Variants in PDE9A observed in about 807,000 individuals in gnomAD.
The protein encoded by PDE9A is high affinity cGMP-specific 3',5'-cyclic phosphodiesterase 9A.
PDE9A carries 60 observed loss-of-function variants against 87.4 expected under a neutral mutation model. The ratio of observed to expected loss-of-function variants is 0.69; its 90% CI spans 0.56 to 0.85. The LOEUF (loss-of-function observed/expected upper bound fraction) is 0.85, where lower values mean the gene tolerates loss of function less well. PDE9A is among the 40% of genes least tolerant of loss of function. PDE9A has a pLI of 0.00. For synonymous variants in PDE9A, 272 were observed against 279.4 expected (o/e 0.97, Z 0.27); for missense variants, 665 against 779.0 (o/e 0.85, Z 1.74).
chr21:42,762,131 C>G lies in PDE9A; in HGVS notation c.1134C>G (p.Ile378Met), dbSNP rs753067250. ...AGCTGGCGGTCCGCTACAATGACAT[C>G]TCACCGCTGGAGAACCACCACTGCG... The part of the protein sequence containing the change: ...RTELAVRYND[I>M]SPLENHHCAV... The change falls in exon 14 of 20, where the codon ATC becomes ATG. Residue 378 changes from isoleucine to methionine, a missense_variant. Ile to Met is a conservative substitution (Grantham distance 10). Coordinates refer to ENST00000291539, the MANE Select transcript of PDE9A (RefSeq NM_002606.3). 5 of 1,614,176 alleles carry G rather than the reference C, an allele frequency of 3.1e-6. No individual in the cohort carries two copies. In the East Asian group the frequency reaches 8.9e-5, roughly 29 times the overall value.
intron 4 of PDE9A, among the ~76,000 whole-genome samples, chr21:42,721,238 G>A (rs1387682361): frequency 2.6e-5 from 4 of 152,124 alleles, no homozygotes; most frequent in African/African-American, 9.7e-5. Flanking sequence ...AAATGTAAAC[G>A]ATACAAAATG....
At position 42,751,018 on chromosome 21, in the gene PDE9A, G is replaced by A. The variant is rs376442971; in HGVS notation, c.654-98G>A. ...TCCCACAGCAAATAAGACCACACGGGGCTTGGGGGTTGGGTTTGTCGCTTG... is the reference window on the plus strand; with the variant it reads ...TCCCACAGCAAATAAGACCACACGGAGCTTGGGGGTTGGGTTTGTCGCTTG... On this transcript the variant is annotated intron_variant, in intron 8 of 19. Coordinates refer to ENST00000291539, the MANE Select transcript of PDE9A (RefSeq NM_002606.3). 1.1e-5 allele frequency: 9 copies of A among 820,028 alleles called. No homozygotes were observed. The African/African-American group carries it at 1.3e-4, about 12-fold the overall frequency. 50.8% of individuals were successfully genotyped at this position (820,028 alleles called of 1,614,324 possible).
chr21:42,729,199 T>C (rs927787294), intron 4 of PDE9A, among the ~76,000 whole-genome samples: 1 of 152,208 alleles, frequency 6.6e-6, no homozygotes, highest in Non-Finnish European at 1.5e-5. Context: ...ATTACCTGTT[T>C]GATATTGAAT....
At chr21:42,714,016 ATTT>A (rs11403559) in intron 4 of PDE9A, among the ~76,000 whole-genome samples, 2 of 90,428 alleles carry the variant, frequency 2.2e-5, no homozygotes, top group Non-Finnish European at 4.1e-5. Flanking sequence ...TTTCATTCCA[ATTT>A]TTTTTTTTTT....
chr21:42,753,038 A>G (rs13046377), intron 9 of PDE9A, among the ~76,000 whole-genome samples: 63,136 of 151,650 alleles, frequency 0.42, 13,523 homozygotes, highest in South Asian at 0.61. Flanking sequence ...ATGGAGTCTC[A>G]CTCTGTCGCC....
At chr21:42,697,394 T>G in intron 3 of PDE9A, 2 of 1,544,712 alleles carry the variant, frequency 1.3e-6, no homozygotes, top group Non-Finnish European at 1.8e-6. Context: ...CCCTCCATAT[T>G]CACTGTGTTT....
In PDE9A at chr21:42,743,727, C is replaced by T. The variant is rs377035091; in HGVS notation, c.569-49C>T. 3.8e-5 allele frequency: 46 copies of T among 1,195,538 alleles called. No homozygotes were observed. The African/African-American group carries it at 6.8e-4, about 18-fold the overall frequency. 74.1% of individuals were successfully genotyped at this position (1,195,538 alleles called of 1,614,324 possible). On this transcript the variant is annotated intron_variant, in intron 7 of 19. Coordinates refer to ENST00000291539, the MANE Select transcript of PDE9A (RefSeq NM_002606.3). The stretch of plus-strand genomic sequence containing the variant: ...TTAGTTACCAGCCTTGAGAGATCCT[C>T]CACATTCGTCCGTGGTAACCCCCTT...
intron 3 of PDE9A, among the ~76,000 whole-genome samples, chr21:42,691,368 C>G (rs2059826783): frequency 6.6e-6 from 1 of 151,654 alleles, no homozygotes; most frequent in Admixed American, 6.6e-5. Flanking sequence ...TCCAAAGTCA[C>G]CCAGTCCTAT....
In PDE9A at chr21:42,659,267, A is replaced by G. The variant is rs2057312432; in HGVS notation, c.69+5384A>G. ...CCAGGAGGGGACAGCTGGAAGCCAG[A>G]AGCCCACCTGACGCCATCAGGAATT... On this transcript the variant is annotated intron_variant, in intron 1 of 19. Coordinates refer to ENST00000291539, the MANE Select transcript of PDE9A (RefSeq NM_002606.3). The surrounding 1 kb of genome is among the most constrained non-coding windows in gnomAD (Gnocchi z 4.1). Among the ~76,000 whole-genome samples the G allele has an allele frequency of 6.6e-6, 1 of 152,186 alleles. No individual in the cohort carries two copies. Among genetic ancestry groups the G allele is most frequent in the Admixed American group, 6.5e-5 (1 of 15,278 alleles).
chr21:42,769,014 G>A lies in PDE9A; in HGVS notation c.1462-13G>A. On this transcript the variant is annotated splice_polypyrimidine_tract_variant and intron_variant, in intron 16 of 19. Transcript: ENST00000291539. ...TCTGTCTCTAATGTCACTGTCTGCTGCATTCCCTGCAGAGCGACCGTGAGA... is the reference window on the plus strand; with the variant it reads ...TCTGTCTCTAATGTCACTGTCTGCTACATTCCCTGCAGAGCGACCGTGAGA... 1 of 1,603,920 alleles carries A rather than the reference G, an allele frequency of 6.2e-7. No individual in the cohort carries two copies. Among genetic ancestry groups the A allele is most frequent in the Non-Finnish European group, 8.5e-7 (1 of 1,172,864 alleles).
chr21:42,721,519 A>T (rs4920141), intron 4 of PDE9A, among the ~76,000 whole-genome samples: 90,383 of 152,084 alleles, frequency 0.59, 27,308 homozygotes, highest in East Asian at 0.94. Context: ...ACTGTTAATC[A>T]TGTAACTTTA....
chr21:42,721,206 G>A (rs1046180044), intron 4 of PDE9A, among the ~76,000 whole-genome samples: 1 of 152,118 alleles, frequency 6.6e-6, no homozygotes, highest in African/African-American at 2.4e-5. Flanking sequence ...GAGGAGGGCA[G>A]GGGGAGAAAT....
At chr21:42,670,605 TCA>T (rs200801154) in intron 1 of PDE9A, among the ~76,000 whole-genome samples, 4,207 of 150,270 alleles carry the variant, frequency 0.028, 77 homozygotes, top group Middle Eastern at 0.049. Context: ...ACACATGCAC[TCA>T]CACACTATCA....
chr21:42,764,628 G>A (rs1005706634), intron 14 of PDE9A, among the ~76,000 whole-genome samples: 13 of 152,254 alleles, frequency 8.5e-5, no homozygotes, highest in South Asian at 4.1e-4. Context: ...CCCATCCACC[G>A]TGGGGACACA....
intron 14 of PDE9A, among the ~76,000 whole-genome samples, chr21:42,762,882 G>A (rs758511101): frequency 5.3e-5 from 8 of 152,048 alleles, no homozygotes; most frequent in Admixed American, 6.5e-5. Flanking sequence ...TAATAGAGAC[G>A]GGGTTTCATC....
intron 1 of PDE9A, among the ~76,000 whole-genome samples, chr21:42,668,505 C>A (rs2058162647): frequency 6.6e-6 from 1 of 152,218 alleles, no homozygotes; most frequent in Non-Finnish European, 1.5e-5. Flanking sequence ...CAGAAATGCC[C>A]CGTGAGAGTC....
At chr21:42,720,558 T>G (rs60767312) in intron 4 of PDE9A, among the ~76,000 whole-genome samples, 16,929 of 152,078 alleles carry the variant, frequency 0.11, 1,200 homozygotes, top group East Asian at 0.36. Context: ...AAAAATAAAA[T>G]AGGTATCTCT....
rs1027525168 is a variant in PDE9A, at chr21:42,773,067, G to T, written c.1768+547G>T. Among the ~76,000 whole-genome samples the T allele has an allele frequency of 1.2e-4, 18 of 150,872 alleles. No individual in the cohort carries two copies. In the East Asian group the frequency reaches 3.6e-3, roughly 30 times the overall value. ...CTTGAGGTCAGGAGTTCAAGACCCA[G>T]CTTGGCCAACATGGTGAAACCCTGT... On this transcript the variant is annotated intron_variant, in intron 19 of 19. Coordinates refer to ENST00000291539, the MANE Select transcript of PDE9A (RefSeq NM_002606.3).
At chr21:42,752,211 C>G (rs890963576) in intron 9 of PDE9A, among the ~76,000 whole-genome samples, 6 of 152,182 alleles carry the variant, frequency 3.9e-5, no homozygotes, top group Non-Finnish European at 7.3e-5. Flanking sequence ...GTCCGTGATT[C>G]TATCCACGCA....
Sources: allele counts gnomAD v4.1 joint callset (sites outside exome capture counted in the v4.1 genomes callset), GRCh38; gene constraint gnomAD v4.1.1; non-coding constraint Gnocchi (gnomAD v3.1); transcripts MANE v1.5; gene names NCBI Gene and HGNC (gene_info 2026-07-23, HGNC 2026-07-21).